Variants in DHX9 observed in about 807,000 individuals in gnomAD.
The protein encoded by DHX9 is DExH-box helicase 9, also known as ATP-dependent RNA helicase A.
A neutral mutation model predicts 148.7 loss-of-function variants in DHX9; 27 were observed. The observed-to-expected ratio is 0.18, with a 90% CI of 0.13 to 0.25. The LOEUF (loss-of-function observed/expected upper bound fraction) is 0.25, where lower values mean the gene tolerates loss of function less well. Ranked by LOEUF, DHX9 falls within the 10% of genes least tolerant of loss-of-function variation. The pLI, the probability that DHX9 is intolerant of heterozygous loss-of-function variation, is 1.00. For synonymous variants in DHX9, 529 were observed against 516.6 expected, an observed-to-expected ratio of 1.02 and a Z score of -0.33; for missense variants, 796 against 1,559.6, an observed-to-expected ratio of 0.51 and a Z score of 8.25.
Position 182,843,359 on chromosome 1 carries a change from C to T in DHX9, c.177C>T (p.Ser59=). Residue 59 remains serine, a synonymous_variant, in exon 3 of 28, where the codon AGC becomes AGT. Transcript: ENST00000367549. ...GNSTNKKDAQ[S]NAARDFVNYL... ...CCACCAATAAAAAAGATGCACAAAG[C>T]AATGCTGCCAGAGACTTTGTTAACT... 1 of 1,608,356 alleles carries T rather than the reference C, an allele frequency of 6.2e-7. No homozygotes were observed. The highest frequency in any genetic ancestry group is 1.1e-5 in the South Asian group (1 of 90,334).
intron 14 of DHX9, among the ~76,000 whole-genome samples, chr1:182,868,519 C>CTTTTTTTTTTT (rs1557974014): frequency 1.7e-5 from 2 of 118,720 alleles, no homozygotes; most frequent in African/African-American, 1.0e-4. Flanking sequence ...TATTTTAATT[C>CTTTTTTTTTTT]CTTTTTTTTT....
At position 182,852,216 on chromosome 1, in the gene DHX9, G is replaced by T. The variant is rs770645533; in HGVS notation, c.253-17G>T. The stretch of plus-strand genomic sequence containing the variant: ...AGGCAAAAGCACTGACAGCTGCCTT[G>T]ACTTTTTCTTTTGCAGGTAGCATCT... On this transcript the variant is annotated splice_polypyrimidine_tract_variant and intron_variant, in intron 3 of 27. Coordinates refer to ENST00000367549, the MANE Select transcript of DHX9 (RefSeq NM_001357.5). 3 of 1,579,766 alleles carry T rather than the reference G, an allele frequency of 1.9e-6. No homozygotes were observed. Among genetic ancestry groups the T allele is most frequent in the Non-Finnish European group, 2.6e-6 (3 of 1,159,052 alleles).
At position 182,870,204 on chromosome 1, in the gene DHX9, T is replaced by C. The variant is rs1648500393; in HGVS notation, c.1558-2133T>C. Among the ~76,000 whole-genome samples, 5 of 152,354 alleles carry C rather than the reference T, an allele frequency of 3.3e-5. 1 individual carries two copies. In the South Asian group the frequency reaches 1.0e-3, roughly 32 times the overall value. On this transcript the variant is annotated intron_variant, in intron 14 of 27. Coordinates refer to ENST00000367549, the MANE Select transcript of DHX9 (RefSeq NM_001357.5). ...AAACACTGAAAAAAGACCATGTTTA[T>C]ATGTAGAAGGATTTAATAGCATATC...
intron 19 of DHX9, 144 bp downstream of exon 19, chr1:182,877,047 G>C: frequency 1.9e-6 from 1 of 514,664 alleles, no homozygotes; most frequent in Non-Finnish European, 3.4e-6. Context: ...TAGCATTATA[G>C]GTAATTGATA....
rs761389035 is a variant in DHX9 at position 182,858,153 on chromosome 1, C to T, written c.723C>T (p.Ser241=). 1.9e-6 allele frequency: 3 copies of T among 1,614,100 alleles called. No homozygotes were observed. In the South Asian group the frequency reaches 3.3e-5, roughly 18 times the overall value. Residue 241 remains serine (S), a synonymous_variant, in exon 8 of 28, where the codon TCC becomes TCT. Transcript: ENST00000367549. The stretch of plus-strand genomic sequence containing the variant: ...CAAATAAGAAATTGGCAGCACAGTC[C>T]TGTGCCCTGTCACTTGTCAGACAAC... ...HGSNKKLAAQ[S]CALSLVRQLY...
intron 12 of DHX9, among the ~76,000 whole-genome samples, chr1:182,860,709 A>G (rs1668345792): frequency 6.6e-6 from 1 of 152,244 alleles, no homozygotes; most frequent in African/African-American, 2.4e-5. Context: ...AAGTGGTAGA[A>G]CTAGGATTAA....
Position 182,863,491 on chromosome 1 carries a change from T to C in DHX9, c.1333-2953T>C, listed in dbSNP as rs532936751. 6.0e-4 allele frequency among the ~76,000 whole-genome samples: 91 copies of C among 152,356 alleles called. 1 individual carries two copies. The highest frequency in any genetic ancestry group is 9.6e-4 in the Non-Finnish European group (65 of 68,030). The stretch of plus-strand genomic sequence containing the variant: ...ATATTTGAGTAATATAGAATATGTA[T>C]ATATTCCTTATAATAGAAGTGGCCG... On this transcript the variant is annotated intron_variant, in intron 12 of 27. Transcript: ENST00000367549.
At position 182,883,597 on chromosome 1, in the gene DHX9, A is replaced by C; in HGVS notation, c.3222A>C (p.Lys1074Asn). ...AGTTGCTTCTCTTTGCCTCCAAGAA[A>C]GTCCAATCTGATGGGCAGATTGTGC... ...PLQLLLFASK[K>N]VQSDGQIVLV... The change falls in exon 26 of 28, where the codon AAA becomes AAC. Residue 1074 changes from lysine to asparagine, a missense_variant. Physicochemically the swap from Lys to Asn is moderately conservative, Grantham distance 94. Transcript: ENST00000367549. 3.7e-6 allele frequency: 6 copies of C among 1,613,940 alleles called. No individual in the cohort carries two copies. The highest frequency in any genetic ancestry group is 5.1e-6 in the Non-Finnish European group (6 of 1,179,938).
At chr1:182,859,714 G>T (rs1668322765) in intron 11 of DHX9, among the ~76,000 whole-genome samples, 2 of 152,062 alleles carry the variant, frequency 1.3e-5, no homozygotes, top group Non-Finnish European at 2.9e-5. Context: ...CTTGGTTCAA[G>T]CAATTCTCCT....
At chr1:182,861,517 C>T (rs568101154) in intron 12 of DHX9, among the ~76,000 whole-genome samples, 48 of 152,314 alleles carry the variant, frequency 3.2e-4, no homozygotes, top group Non-Finnish European at 5.3e-4. Flanking sequence ...CTCTTCTCTT[C>T]CCTTCCTCTC....
At position 182,887,212 on chromosome 1, in the gene DHX9, A is replaced by C. The variant is rs769768543; in HGVS notation, c.3591A>C (p.Gly1197=). 2 of 1,612,628 alleles carry C rather than the reference A, an allele frequency of 1.2e-6. No homozygotes were observed. The highest frequency in any genetic ancestry group is 4.5e-5 in the East Asian group (2 of 44,864). The change falls in exon 28 of 28, where the codon GGA becomes GGC. Residue 1197 remains glycine, a synonymous_variant. Transcript: ENST00000367549. ...GGYSSGGYGS[G]GYGGSANSFR... The stretch of plus-strand genomic sequence containing the variant: ...ATAGCAGTGGAGGCTATGGTAGCGG[A>C]GGCTATGGTGGCAGCGCCAACTCCT...
At chr1:182,880,865 G>C (rs1170333873) in intron 22 of DHX9, among the ~76,000 whole-genome samples, 4 of 152,190 alleles carry the variant, frequency 2.6e-5, no homozygotes, top group Admixed American at 6.5e-5. Flanking sequence ...AGGCAATGTG[G>C]CTCACACCTT....
chr1:182,877,912 G>GT, intron 19 of DHX9, 109 bp from the exon 20 acceptor site: 1 of 1,216,766 alleles, frequency 8.2e-7, no homozygotes, highest in South Asian at 1.5e-5. Flanking sequence ...GACATCACAA[G>GT]TAGGTATGGC....
At chr1:182,867,371 A>G (rs527887405) in intron 14 of DHX9, among the ~76,000 whole-genome samples, 1 of 152,068 alleles carries the variant, frequency 6.6e-6, no homozygotes, top group Admixed American at 6.5e-5. Context: ...TTTTTCTTTG[A>G]TTTGGAAGTT....
chr1:182,846,229 C>T (rs1283632839), intron 3 of DHX9, among the ~76,000 whole-genome samples: 1 of 151,322 alleles, frequency 6.6e-6, no homozygotes, highest in Non-Finnish European at 1.5e-5. Context: ...GATTGAAGAC[C>T]AGATGTACTT....
chr1:182,845,146 T>A (rs1668005200), intron 3 of DHX9, among the ~76,000 whole-genome samples: 1 of 152,218 alleles, frequency 6.6e-6, no homozygotes, highest in Non-Finnish European at 1.5e-5. Flanking sequence ...AGTCTTTAAT[T>A]TTATTGGTTT....
In DHX9 at chr1:182,842,641, A is replaced by G. The variant is rs371705798; in HGVS notation, c.75A>G (p.Ala25=). ...RKMTPSYEIR[A]VGNKNRQKFM... is the part of the protein sequence containing the mutation. ...TGACCCCATCCTATGAAATTAGAGCAGTGGGGAACAAAAACAGGCAGAAAT... is the reference window on the plus strand; with the variant it reads ...TGACCCCATCCTATGAAATTAGAGCGGTGGGGAACAAAAACAGGCAGAAAT... Residue 25 remains alanine, a synonymous_variant, in exon 2 of 28, where the codon GCA becomes GCG. Transcript: ENST00000367549. 16 of 1,613,532 alleles carry G rather than the reference A, an allele frequency of 9.9e-6. No individual in the cohort carries two copies. In the African/African-American group the frequency reaches 1.9e-4, roughly 19 times the overall value.
chr1:182,887,952 A>G lies in DHX9; in HGVS notation c.*518A>G, dbSNP rs932892768. 6.1e-4 allele frequency among the ~76,000 whole-genome samples: 93 copies of G among 152,168 alleles called. No individual in the cohort carries two copies. The highest frequency in any genetic ancestry group is 2.1e-3 in the African/African-American group (87 of 41,432). ...ACTGGCAAGTGCACAAGCCACATAA[A>G]CCTGAATAAAACTTTTGACCTAGGG... is the stretch of plus-strand genomic sequence containing the variant. On this transcript the variant is annotated 3_prime_UTR_variant, in exon 28 of 28. Transcript: ENST00000367549.
At chr1:182,866,817 C>T in intron 13 of DHX9, 144 bp from the exon 14 acceptor site, 1 of 766,360 alleles carries the variant, frequency 1.3e-6, no homozygotes, top group South Asian at 2.0e-5. Flanking sequence ...TTTCATAGTA[C>T]ACTATCACTT....
Sources: allele counts gnomAD v4.1 joint callset (sites outside exome capture counted in the v4.1 genomes callset), GRCh38; gene constraint gnomAD v4.1.1; transcripts MANE v1.5; gene names NCBI Gene and HGNC (gene_info 2026-07-23, HGNC 2026-07-21).